DISP1: variants seen among roughly 807,000 people sequenced by gnomAD.
DISP1 encodes dispatched RND transporter family member 1.
In DISP1, 30 loss-of-function variants were observed where a neutral mutation model predicts 37.3. The ratio of observed to expected loss-of-function variants is 0.80; its 90% CI spans 0.60 to 1.09. The LOEUF (loss-of-function observed/expected upper bound fraction) is 1.09, where lower values mean the gene tolerates loss of function less well. Among genes scored for constraint, DISP1 ranks in the 50% least tolerant of loss-of-function variants. The pLI is 0.00. For synonymous variants in DISP1, 634 were observed against 690.2 expected (o/e 0.92, Z 1.28); for missense variants, 1,598 against 1,879.5 (o/e 0.85, Z 2.77).
At chr1:222,853,701 G>T (rs769875687) in intron 1 of DISP1, among the ~76,000 whole-genome samples, 3 of 151,918 alleles carry the variant, frequency 2.0e-5, no homozygotes, top group Non-Finnish European at 2.9e-5. Context: ...TGATTTCACA[G>T]AAGTAAAAAG....
chr1:222,839,355 C>A (rs1667452096), intron 1 of DISP1, among the ~76,000 whole-genome samples: 1 of 152,164 alleles, frequency 6.6e-6, no homozygotes, highest in African/African-American at 2.4e-5. Flanking sequence ...CACCCCTGCC[C>A]ACGTTGTCTG....
At chr1:222,834,782 C>G (rs912372896) in intron 1 of DISP1, among the ~76,000 whole-genome samples, 3 of 152,194 alleles carry the variant, frequency 2.0e-5, no homozygotes, top group African/African-American at 4.8e-5. Flanking sequence ...CATCCAGGCT[C>G]TGTTACACAT....
chr1:222,967,803 T>A lies in DISP1; in HGVS notation c.510-15277T>A, dbSNP rs531199057. Among the ~76,000 whole-genome samples, 3 of 152,308 alleles carry A rather than the reference T, an allele frequency of 2.0e-5. No homozygotes were observed. The East Asian group carries it at 5.8e-4, about 29-fold the overall frequency. On this transcript the variant is annotated intron_variant, in intron 3 of 8. Coordinates refer to ENST00000675850, the MANE Select transcript of DISP1 (RefSeq NM_001377229.1). ...CTTGGTGTTCATGCATTTGTCCTGT[T>A]ATGAAGTTGTTCTGAATGAACTGAA...
chr1:222,967,796 G>C (rs1676618165), intron 3 of DISP1, among the ~76,000 whole-genome samples: 1 of 152,160 alleles, frequency 6.6e-6, no homozygotes, highest in Admixed American at 6.5e-5. Flanking sequence ...TCATGCATTT[G>C]TCCTGTTATG....
At chr1:222,852,322 A>G (rs929173441) in intron 1 of DISP1, among the ~76,000 whole-genome samples, 1 of 151,842 alleles carries the variant, frequency 6.6e-6, no homozygotes, top group Admixed American at 6.6e-5. Flanking sequence ...CAAATAGCCA[A>G]AGTTGTTTTT....
chr1:222,996,887 T>G (rs1410494040), intron 8 of DISP1, among the ~76,000 whole-genome samples: 1 of 152,162 alleles, frequency 6.6e-6, no homozygotes, highest in African/African-American at 2.4e-5. Flanking sequence ...TGGTCTGGAA[T>G]AAGTATCCTT....
At chr1:222,986,700 A>G (rs934151319) in intron 4 of DISP1, among the ~76,000 whole-genome samples, 1 of 152,170 alleles carries the variant, frequency 6.6e-6, no homozygotes, top group African/African-American at 2.4e-5. Context: ...TCCGTCTCCT[A>G]TTAGAGACTT....
chr1:222,821,997 T>A (rs1217641750), intron 1 of DISP1, among the ~76,000 whole-genome samples: 3 of 152,186 alleles, frequency 2.0e-5, no homozygotes, highest in Non-Finnish European at 4.4e-5. Context: ...TGATTGTAAG[T>A]TTCCTGGGGT....
intron 1 of DISP1, among the ~76,000 whole-genome samples, chr1:222,818,810 C>G (rs770663972): frequency 1.3e-5 from 2 of 152,186 alleles, no homozygotes; most frequent in African/African-American, 4.8e-5. Context: ...TATAGCAACA[C>G]CTAAATTGGT....
intron 1 of DISP1, among the ~76,000 whole-genome samples, chr1:222,846,298 C>T (rs1667891532): frequency 6.6e-6 from 1 of 152,156 alleles, no homozygotes; most frequent in Admixed American, 6.5e-5. Flanking sequence ...TCGAGACCAG[C>T]CTGGCCAACA....
At chr1:222,937,502 A>G (rs1485644912) in intron 2 of DISP1, among the ~76,000 whole-genome samples, 1 of 152,232 alleles carries the variant, frequency 6.6e-6, no homozygotes, top group Non-Finnish European at 1.5e-5. Context: ...CTCTCGTGTT[A>G]TATAGCCCAT....
rs1259698969 is a variant in DISP1 at position 223,005,482 on chromosome 1, A to T, written c.4085A>T (p.His1362Leu). The T allele has an allele frequency of 6.2e-7, 1 of 1,613,988 alleles. No homozygotes were observed. Among genetic ancestry groups the T allele is most frequent in the South Asian group, 1.1e-5 (1 of 91,090 alleles). Residue 1362 changes from histidine to leucine, a missense_variant, in exon 9 of 9, where the codon CAC (histidine) becomes CTC (leucine). Coordinates refer to ENST00000675850, the MANE Select transcript of DISP1 (RefSeq NM_001377229.1). Reference protein sequence around the residue: ...PRNFFLHPVQHIQAQEKIGKT... With the variant: ...PRNFFLHPVQLIQAQEKIGKT... Reference sequence around the variant, plus strand: ...AATTTTTTCCTCCACCCAGTGCAGCACATTCAGGCCCAAGAAAAAATTGGC... The same window carrying T: ...AATTTTTTCCTCCACCCAGTGCAGCTCATTCAGGCCCAAGAAAAAATTGGC...
chr1:222,847,500 A>G (rs1667979681), intron 1 of DISP1, among the ~76,000 whole-genome samples: 1 of 152,214 alleles, frequency 6.6e-6, no homozygotes, highest in Non-Finnish European at 1.5e-5. Context: ...AGGAATATAG[A>G]TAGTACACAT....
At position 223,005,713 on chromosome 1, in the gene DISP1, T is replaced by A; in HGVS notation, c.4316T>A (p.Val1439Glu). 6.2e-7 allele frequency: 1 copy of A among 1,613,306 alleles called. No individual in the cohort carries two copies. The highest frequency in any genetic ancestry group is 2.2e-5 in the East Asian group (1 of 44,794). The change falls in exon 9 of 9, where the codon GTG becomes GAG. Residue 1439 changes from valine to glutamate, a missense_variant. Transcript: ENST00000675850. ...ACTGAAAACAAGGCAGGAGGGAAAGTGGAGCTGAGCTTGTCACAGACGGAT... is the reference window on the plus strand; with the variant it reads ...ACTGAAAACAAGGCAGGAGGGAAAGAGGAGCTGAGCTTGTCACAGACGGAT... ...GGTENKAGGK[V>E]ELSLSQTDAS...
In DISP1 at chr1:223,003,845, T is replaced by TAACATCGCCAGCC; in HGVS notation, c.2449_2461dup (p.Pro821GlnfsTer28). The TAACATCGCCAGCC allele has an allele frequency of 6.2e-7, 1 of 1,614,220 alleles. No individual in the cohort carries two copies. Among genetic ancestry groups the TAACATCGCCAGCC allele is most frequent in the Non-Finnish European group, 8.5e-7 (1 of 1,180,042 alleles). On this transcript the variant is annotated frameshift_variant, in exon 9 of 9. Transcript: ENST00000675850. LOFTEE classifies it low-confidence loss of function (END_TRUNC). This position sits in a 1 kb window ranked among gnomAD's most constrained non-coding sequence, Gnocchi z 4.3. ...GGAAGTTGACATTAGATAGCAGTTTTAACATCGCCAGCCCAGCTTCCCAGG... is the reference window on the plus strand; with the variant it reads ...GGAAGTTGACATTAGATAGCAGTTTTAACATCGCCAGCCAACATCGCCAGCCCAGCTTCCCAGG...
At chr1:222,994,215 C>G (rs1678897531) in intron 7 of DISP1, among the ~76,000 whole-genome samples, 1 of 152,158 alleles carries the variant, frequency 6.6e-6, no homozygotes, top group South Asian at 2.1e-4. Context: ...TGCCTAAGGT[C>G]ACGTAGCTAG....
chr1:222,980,463 A>G (rs987702214), intron 3 of DISP1, among the ~76,000 whole-genome samples: 2 of 151,668 alleles, frequency 1.3e-5, no homozygotes, highest in Non-Finnish European at 2.9e-5. Context: ...CAAAATAAAA[A>G]TTACCTATAT....
At chr1:222,977,071 C>T (rs929859189) in intron 3 of DISP1, among the ~76,000 whole-genome samples, 12 of 152,122 alleles carry the variant, frequency 7.9e-5, no homozygotes, top group African/African-American at 2.7e-4. Context: ...CTCTTATTGC[C>T]CAGGCTGGAG....
At chr1:222,850,985 C>T (rs893041155) in intron 1 of DISP1, among the ~76,000 whole-genome samples, 3 of 152,056 alleles carry the variant, frequency 2.0e-5, no homozygotes, top group Middle Eastern at 3.4e-3. Flanking sequence ...GGCTGTTAAC[C>T]TGAGATCTCT....
Sources: gnomAD v4.1 joint callset for allele counts (sites outside exome capture counted in the v4.1 genomes callset) on GRCh38, gnomAD v4.1.1 for gene constraint, Gnocchi (gnomAD v3.1) non-coding constraint, MANE v1.5 for transcripts, NCBI Gene and HGNC (gene_info 2026-07-23, HGNC 2026-07-21) for gene names.